Variants in PHC3 observed in about 807,000 individuals in gnomAD.
PHC3 encodes polyhomeotic-like protein 3.
A neutral mutation model predicts 107.4 loss-of-function variants in PHC3; 13 were observed. The ratio of observed to expected loss-of-function variants is 0.12; its 90% CI spans 0.08 to 0.19. The LOEUF (loss-of-function observed/expected upper bound fraction) is 0.19, where lower values mean the gene tolerates loss of function less well. Among genes scored for constraint, PHC3 ranks in the 10% least tolerant of loss-of-function variants. PHC3 has a pLI of 1.00. For missense variants in PHC3, 992 were observed against 1,210.9 expected, an observed-to-expected ratio of 0.82 and a Z score of 2.68; for synonymous variants, 456 against 427.4, an observed-to-expected ratio of 1.07 and a Z score of -0.83.
At chr3:170,141,892 C>T (rs1724177312) in intron 6 of PHC3, among the ~76,000 whole-genome samples, 1 of 152,206 alleles carries the variant, frequency 6.6e-6, no homozygotes, top group Non-Finnish European at 1.5e-5. Flanking sequence ...GTGTGAGCTA[C>T]CTCGCCCGGC....
chr3:170,099,256 A>G (rs1418073052), intron 14 of PHC3, among the ~76,000 whole-genome samples: 2 of 152,198 alleles, frequency 1.3e-5, no homozygotes, highest in Non-Finnish European at 2.9e-5. Flanking sequence ...TAAATGTATT[A>G]GCAAAATAAT....
At chr3:170,174,846 T>A (rs1730166602) in intron 2 of PHC3, among the ~76,000 whole-genome samples, 1 of 152,248 alleles carries the variant, frequency 6.6e-6, no homozygotes, top group South Asian at 2.1e-4. Context: ...TTCAGAATTA[T>A]AACAATATAC....
At position 170,173,135 on chromosome 3, in the gene PHC3, T is replaced by C. The variant is rs77945543; in HGVS notation, c.181-423A>G. On this transcript the variant is annotated intron_variant, in intron 2 of 14. Transcript: ENST00000495893. Reference sequence around the variant, plus strand: ...TGAACCTGTGAGGTGAAGGCTGCAGTTGAGCCAAGATCATGCCACTGCACT... The same window carrying C: ...TGAACCTGTGAGGTGAAGGCTGCAGCTGAGCCAAGATCATGCCACTGCACT... Among the ~76,000 whole-genome samples the C allele has an allele frequency of 5.4e-3, 819 of 151,558 alleles. 6 individuals carry two copies. The highest frequency in any genetic ancestry group is 0.019 in the African/African-American group (773 of 41,280).
Position 170,172,622 on chromosome 3 carries a change from G to A in PHC3, c.271C>T (p.His91Tyr). Residue 91 changes from histidine to tyrosine, a missense_variant, in exon 3 of 15, where the codon CAT (histidine) becomes TAT (tyrosine). Physicochemically the swap from His to Tyr is moderately conservative, Grantham distance 83. Transcript: ENST00000495893. ...YAAQQQHLMLHTAALQQQHLS... is the reference protein window; with the variant it reads ...YAAQQQHLMLYTAALQQQHLS... ...TGCTGCTGCTGAAGAGCTGCAGTAT[G>A]CAGCATCAAGTGCTGTTGTTGGGCT... 6.2e-7 allele frequency: 1 copy of A among 1,613,726 alleles called. No homozygotes were observed. Among genetic ancestry groups the A allele is most frequent in the Non-Finnish European group, 8.5e-7 (1 of 1,179,856 alleles).
intron 4 of PHC3, among the ~76,000 whole-genome samples, chr3:170,167,457 T>C (rs1470010376): frequency 1.3e-5 from 2 of 152,230 alleles, no homozygotes; most frequent in African/African-American, 4.8e-5. Flanking sequence ...TATATTTTCA[T>C]GTGTTTAAAA....
intron 8 of PHC3, among the ~76,000 whole-genome samples, chr3:170,126,661 T>C (rs1164754031): frequency 1.3e-5 from 2 of 151,366 alleles, no homozygotes; most frequent in East Asian, 1.9e-4. Context: ...TGTGCCTATG[T>C]CTCCCAAGTA....
In PHC3 at chr3:170,102,827, G is replaced by A. The variant is rs754599968; in HGVS notation, c.2576C>T (p.Ala859Val). 4 of 1,613,914 alleles carry A rather than the reference G, an allele frequency of 2.5e-6. No individual in the cohort carries two copies. The highest frequency in any genetic ancestry group is 3.4e-6 in the Non-Finnish European group (4 of 1,179,846). ...CTGCCTAAGGATATGTTCTCTCGCT[G>A]CCCCATCAGGGCCACTTGGACGACG... ...RGRRPSGPDG[A>V]AREHILRQLP... Residue 859 changes from alanine (A) to valine (V), a missense_variant, in exon 13 of 15, where the codon GCA becomes GTA. By Grantham distance (64) the Ala-to-Val change is moderately conservative. This residue lies in a region of PHC3 where 228 missense variants were observed against 288.8 expected (regional missense o/e 0.79). Transcript: ENST00000495893.
Position 170,126,532 on chromosome 3 carries a change from T to A in PHC3, c.1788+2152A>T, listed in dbSNP as rs1188806217. On this transcript the variant is annotated intron_variant, in intron 8 of 14. Coordinates refer to ENST00000495893, the MANE Select transcript of PHC3 (RefSeq NM_024947.4). ...TATATATATATATATATATATATTT[T>A]TTTTTTTTTTTCCTTTTTCTTTTTT... Among the ~76,000 whole-genome samples the A allele has an allele frequency of 2.2e-3, 267 of 124,090 alleles. 1 individual carries two copies. Among genetic ancestry groups the A allele is most frequent in the African/African-American group, 4.3e-3 (134 of 31,016 alleles). 81.4% of individuals were successfully genotyped at this position (124,090 alleles called of 152,430 possible).
rs564396746 is a variant in PHC3, at chr3:170,123,676, C to A, written c.1789-932G>T. On this transcript the variant is annotated intron_variant, in intron 8 of 14. Transcript: ENST00000495893. ...GGCATGGTGGCGGGCGCCTGTAGTT[C>A]CAGCTACTTGGGAGGCTGAATCAAG... Among the ~76,000 whole-genome samples the A allele has an allele frequency of 3.3e-5, 5 of 151,284 alleles. No homozygotes were observed. In the South Asian group the frequency reaches 8.4e-4, roughly 26 times the overall value.
chr3:170,148,775 T>G (rs1322506110), intron 5 of PHC3: 1 of 185,642 alleles, frequency 5.4e-6, no homozygotes, highest in African/African-American at 2.3e-5. Flanking sequence ...GCATCCAAAT[T>G]TCACAGATAT....
chr3:170,175,923 CAA>C (rs55761970), intron 2 of PHC3, among the ~76,000 whole-genome samples: 2 of 88,554 alleles, frequency 2.3e-5, no homozygotes. Context: ...GACTCAGTCT[CAA>C]AAAAAAAAAA....
intron 7 of PHC3, among the ~76,000 whole-genome samples, chr3:170,131,575 C>T (rs773962592): frequency 1.8e-4 from 27 of 152,140 alleles, no homozygotes; most frequent in Non-Finnish European, 3.2e-4. Flanking sequence ...GGCTCATGCC[C>T]GTAATCCCAG....
chr3:170,173,794 C>T (rs1433352829), intron 2 of PHC3, among the ~76,000 whole-genome samples: 1 of 152,046 alleles, frequency 6.6e-6, no homozygotes, highest in Non-Finnish European at 1.5e-5. Flanking sequence ...TTTCAAAGAC[C>T]ACTGATGGGT....
chr3:170,095,779 TTTTG>T lies in PHC3; in HGVS notation c.*1447_*1450del, dbSNP rs1359740082. 6.6e-6 allele frequency: 1 copy of T among 152,308 alleles called. No individual in the cohort carries two copies. Among genetic ancestry groups the T allele is most frequent in the East Asian group, 1.9e-4 (1 of 5,194 alleles). The allele number at this position is 152,308 out of a possible 1,614,324, so 9.4% of individuals were successfully genotyped here. ...AAGCTTTCAGGGCTTCCACAAACAATTTTGTTTTAGTGTCATAATTCTATAGAAC... is the reference window on the plus strand; with the variant it reads ...AAGCTTTCAGGGCTTCCACAAACAATTTTTAGTGTCATAATTCTATAGAAC... On this transcript the variant is annotated 3_prime_UTR_variant, in exon 15 of 15. Coordinates refer to ENST00000495893, the MANE Select transcript of PHC3 (RefSeq NM_024947.4).
Position 170,094,817 on chromosome 3 carries a change from AG to A in PHC3, c.*2412del, listed in dbSNP as rs1714467973. 1 of 152,162 alleles carries A rather than the reference AG, an allele frequency of 6.6e-6. No individual in the cohort carries two copies. The highest frequency in any genetic ancestry group is 2.4e-5 in the African/African-American group (1 of 41,438). 9.4% of individuals were successfully genotyped at this position (152,162 alleles called of 1,614,324 possible). The stretch of plus-strand genomic sequence containing the variant: ...TTCTCCAATAGAAAACCCTCTTGTA[AG>A]CCCCTCCTGAATACTTAAGACAGCA... On this transcript the variant is annotated 3_prime_UTR_variant, in exon 15 of 15. Transcript: ENST00000495893.
At chr3:170,114,126 C>T (rs774873563) in intron 10 of PHC3, among the ~76,000 whole-genome samples, 1 of 152,148 alleles carries the variant, frequency 6.6e-6, no homozygotes, top group Admixed American at 6.5e-5. Flanking sequence ...TCTCCTGTCT[C>T]GGCCTCCCAA....
Position 170,128,711 on chromosome 3 carries a change from T to G in PHC3, c.1761A>C (p.Gln587His), listed in dbSNP as rs778951436. Residue 587 changes from glutamine (Q) to histidine (H), a missense_variant, in exon 8 of 15, where the codon CAA (glutamine) becomes CAC (histidine). By Grantham distance (24) the Gln-to-His change is conservative (BLOSUM62 0). Around this residue, in one of 6 missense-constraint regions of PHC3, gnomAD observed 543 missense variants for 590.8 expected, o/e 0.92. Coordinates refer to ENST00000495893, the MANE Select transcript of PHC3 (RefSeq NM_024947.4). Reference protein sequence around the residue: ...PQTVAVNLQVQPPAPVDPPVV... With the variant: ...PQTVAVNLQVHPPAPVDPPVV... ...CTGGTGGATCAACAGGTGCTGGTGGTTGCACTTGTAGGTTTACCGCAACAG... is the reference window on the plus strand; with the variant it reads ...CTGGTGGATCAACAGGTGCTGGTGGGTGCACTTGTAGGTTTACCGCAACAG... The G allele has an allele frequency of 1.9e-6, 3 of 1,613,952 alleles. No homozygotes were observed. Among genetic ancestry groups the G allele is most frequent in the Non-Finnish European group, 2.5e-6 (3 of 1,179,860 alleles).
chr3:170,129,683 A>G, intron 7 of PHC3, 131 bp from the exon 8 acceptor site: 4 of 1,054,644 alleles, frequency 3.8e-6, no homozygotes, highest in Non-Finnish European at 4.1e-6. Context: ...TTTCCAAACA[A>G]GAGTAATTTG....
At chr3:170,136,277 CATTAAG>C (rs1045058495) in intron 7 of PHC3, 136 bp downstream of exon 7, 255 of 967,190 alleles carry the variant, frequency 2.6e-4, no homozygotes, top group Admixed American at 7.9e-4. Flanking sequence ...TCAAGCTACA[CATTAAG>C]ATTAAGTTTA....
Sources: gnomAD v4.1 joint callset for allele counts (sites outside exome capture counted in the v4.1 genomes callset) on GRCh38, gnomAD v4.1.1 for gene constraint, gnomAD v4.1.1 regional missense constraint, MANE v1.5 for transcripts, NCBI Gene and HGNC (gene_info 2026-07-23, HGNC 2026-07-21) for gene names.